SHROOM4: variants seen among roughly 807,000 people sequenced by gnomAD.
The protein encoded by SHROOM4 is shroom family member 4.
Under a neutral mutation model 80.3 loss-of-function variants are expected in SHROOM4, and 17 were observed. The observed-to-expected ratio is 0.21, with a 90% CI of 0.14 to 0.32. The LOEUF (loss-of-function observed/expected upper bound fraction) is 0.32, where lower values mean the gene tolerates loss of function less well. SHROOM4 is among the 10% of genes least tolerant of loss of function. The pLI is 1.00. For synonymous variants in SHROOM4, 400 were observed against 437.5 expected (o/e 0.91, Z 1.07); for missense variants, 993 against 1,140.3 (o/e 0.87, Z 1.86).
intron 5 of SHROOM4, among the ~76,000 whole-genome samples, chrX:50,626,027 A>G (rs1007792111): frequency 8.9e-6 from 1 of 112,089 alleles, no homozygotes; most frequent in Non-Finnish European, 1.9e-5. Flanking sequence ...AACAACAAAC[A>G]TTTGAGATAG....
intron 1 of SHROOM4, among the ~76,000 whole-genome samples, chrX:50,785,882 T>G (rs1328737897): frequency 2.7e-5 from 3 of 111,689 alleles, no homozygotes; most frequent in African/African-American, 9.8e-5. Context: ...AGTGAATATA[T>G]TAATAAAATA....
chrX:50,753,359 T>TG (rs1185463908), intron 1 of SHROOM4, among the ~76,000 whole-genome samples: 1 of 112,366 alleles, frequency 8.9e-6, no homozygotes, highest in Non-Finnish European at 1.9e-5. Context: ...TCTCATAATT[T>TG]GTAACCTATA....
intron 1 of SHROOM4, among the ~76,000 whole-genome samples, chrX:50,714,199 C>T (rs1005104094): frequency 6.3e-5 from 7 of 111,281 alleles, no homozygotes; most frequent in Admixed American, 2.9e-4. Flanking sequence ...GTTTTCATAC[C>T]GACAGCATGC....
rs190988636 is a variant in SHROOM4, at chrX:50,594,523, G to C, written c.*2172C>G. The C allele has an allele frequency of 9.0e-6, 1 of 111,502 alleles. No individual in the cohort carries two copies. The highest frequency in any genetic ancestry group is 1.9e-5 in the Non-Finnish European group (1 of 53,096). The allele number at this position is 111,502 out of a possible 1,213,427, so 9.2% of individuals were successfully genotyped here. A position where few individuals can be genotyped will look rare whatever the true frequency, so the allele number is the denominator to read the frequency against. The stretch of plus-strand genomic sequence containing the variant: ...TCACATGCTGACTAGAAAAACTCAA[G>C]ACTATGGCCATAGTGTCCAGGTAAG... On this transcript the variant is annotated 3_prime_UTR_variant, in exon 9 of 9. Coordinates refer to ENST00000376020, the MANE Select transcript of SHROOM4 (RefSeq NM_020717.5).
chrX:50,805,316 T>C (rs1346340766), intron 1 of SHROOM4, among the ~76,000 whole-genome samples: 4 of 111,284 alleles, frequency 3.6e-5, no homozygotes, highest in African/African-American at 1.3e-4. Flanking sequence ...AAAGGCAGTA[T>C]AGGAGAACCA....
At position 50,650,436 on chromosome X, in the gene SHROOM4, C is replaced by T. The variant is rs782288687; in HGVS notation, c.270-12128G>A. On this transcript the variant is annotated intron_variant, in intron 2 of 8. Coordinates refer to ENST00000376020, the MANE Select transcript of SHROOM4 (RefSeq NM_020717.5). ...TGTGATCTTGGCTCACTGCAACCTC[C>T]GCCTCCCAGGTTCAAGAGATGGCCC... Among the ~76,000 whole-genome samples the T allele has an allele frequency of 1.8e-4, 20 of 111,691 alleles. 1 individual carries two copies. The South Asian group carries it at 3.4e-3, about 19-fold the overall frequency.
chrX:50,680,704 T>C (rs1299129522), intron 2 of SHROOM4, among the ~76,000 whole-genome samples: 2 of 111,174 alleles, frequency 1.8e-5, no homozygotes, highest in East Asian at 5.6e-4. Context: ...CCCATTAATG[T>C]TCTCACCTGG....
intron 5 of SHROOM4, among the ~76,000 whole-genome samples, chrX:50,617,528 G>C (rs1208994281): frequency 9.0e-6 from 1 of 111,456 alleles, no homozygotes; most frequent in Non-Finnish European, 1.9e-5. Flanking sequence ...TATAATAAAA[G>C]GCAAGTTTAG....
At chrX:50,701,327 TG>T (rs1343687783) in intron 1 of SHROOM4, among the ~76,000 whole-genome samples, 1 of 111,814 alleles carries the variant, frequency 8.9e-6, no homozygotes, top group African/African-American at 3.3e-5. Flanking sequence ...TCTTTGCTCC[TG>T]CCAAGTCAGA....
chrX:50,792,312 A>C (rs2147703929), intron 1 of SHROOM4, among the ~76,000 whole-genome samples: 1 of 111,546 alleles, frequency 9.0e-6, no homozygotes, highest in Admixed American at 9.5e-5. Flanking sequence ...CAGTCTGGCC[A>C]ACATGGTGAA....
Position 50,633,929 on chromosome X carries a change from G to C in SHROOM4, c.2144C>G (p.Ala715Gly). The stretch of plus-strand genomic sequence containing the variant: ...TCCACGGACTCCACAGTGAGCATGT[G>C]CTTTCTCAGGGTCTGAGGAGGATGG... ...PDPSSSDPEK[A>G]HAHCGVRGGH... Residue 715 changes from alanine to glycine, a missense_variant, in exon 4 of 9, where the codon GCA becomes GGA. Ala to Gly is a moderately conservative substitution (Grantham distance 60, BLOSUM62 0). Coordinates refer to ENST00000376020, the MANE Select transcript of SHROOM4 (RefSeq NM_020717.5). 8.3e-7 allele frequency: 1 copy of C among 1,211,823 alleles called. No individual in the cohort carries two copies.
intron 6 of SHROOM4, among the ~76,000 whole-genome samples, chrX:50,607,158 A>G (rs1265707780): frequency 8.9e-6 from 1 of 111,930 alleles, no homozygotes; most frequent in Non-Finnish European, 1.9e-5. Context: ...AGCATGTACT[A>G]TGTGCTAAGC....
intron 2 of SHROOM4, among the ~76,000 whole-genome samples, chrX:50,686,381 G>A (rs1422892709): frequency 1.8e-5 from 2 of 111,166 alleles, no homozygotes; most frequent in Non-Finnish European, 3.8e-5. Flanking sequence ...AATCAGTACT[G>A]AAGGATAAGT....
intron 1 of SHROOM4, among the ~76,000 whole-genome samples, chrX:50,767,055 G>A (rs1412271489): frequency 1.8e-5 from 2 of 112,029 alleles, no homozygotes; most frequent in Admixed American, 1.9e-4. Context: ...AGGGATCTGT[G>A]AAAACAGGCA....
intron 5 of SHROOM4, among the ~76,000 whole-genome samples, chrX:50,610,872 A>G (rs1465007229): frequency 1.8e-5 from 2 of 112,098 alleles, no homozygotes; most frequent in African/African-American, 6.5e-5. Context: ...TTCTTAAAGC[A>G]AAATCTATAG....
intron 1 of SHROOM4, among the ~76,000 whole-genome samples, chrX:50,793,484 A>G (rs1935894619): frequency 1.8e-5 from 2 of 108,752 alleles, no homozygotes; most frequent in Non-Finnish European, 3.8e-5. Context: ...GTAAAATTTT[A>G]ACAAGACATA....
At chrX:50,621,124 G>A (rs1373389382) in intron 5 of SHROOM4, among the ~76,000 whole-genome samples, 2 of 111,783 alleles carry the variant, frequency 1.8e-5, no homozygotes, top group Non-Finnish European at 3.8e-5. Context: ...TTTCTATACA[G>A]TATGTGATAT....
chrX:50,654,425 CAAAT>C (rs1932229104), intron 2 of SHROOM4, among the ~76,000 whole-genome samples: 1 of 111,528 alleles, frequency 9.0e-6, no homozygotes, highest in Non-Finnish European at 1.9e-5. Context: ...GTTTAGTTGA[CAAAT>C]AAAATTGTAC....
chrX:50,585,629 G>C (rs1260524117), downstream of SHROOM4, among the ~76,000 whole-genome samples: 2 of 111,506 alleles, frequency 1.8e-5, no homozygotes, highest in Non-Finnish European at 3.8e-5. Context: ...GGAGCATGGT[G>C]TTATGCAGCT....
Sources: allele counts gnomAD v4.1 joint callset (sites outside exome capture counted in the v4.1 genomes callset), GRCh38; gene constraint gnomAD v4.1.1; transcripts MANE v1.5; gene names NCBI Gene and HGNC (gene_info 2026-07-23, HGNC 2026-07-21).